PATJ: variants seen among roughly 807,000 people sequenced by gnomAD.
The protein encoded by PATJ is PATJ crumbs cell polarity complex component, also known as inaD-like protein.
PATJ carries 190 observed loss-of-function variants against 224.9 expected under a neutral mutation model. The observed-to-expected ratio is 0.84, with a 90% CI of 0.75 to 0.95. The LOEUF (loss-of-function observed/expected upper bound fraction) is 0.95, where lower values mean the gene tolerates loss of function less well. Among genes scored for constraint, PATJ ranks in the 40% least tolerant of loss-of-function variants. PATJ has a pLI of 0.00. For synonymous variants in PATJ, 769 were observed against 820.3 expected (o/e 0.94, Z 1.07); for missense variants, 2,121 against 2,270.3 (o/e 0.93, Z 1.34).
chr1:62,095,963 A>G (rs573471758), intron 33 of PATJ, among the ~76,000 whole-genome samples: 17 of 152,016 alleles, frequency 1.1e-4, no homozygotes, highest in African/African-American at 4.1e-4. Flanking sequence ...ATGCCTGAAC[A>G]CAGCTTATCT....
At chr1:62,013,324 A>AT (rs958995802) in intron 28 of PATJ, 269 of 882,202 alleles carry the variant, frequency 3.0e-4, no homozygotes, top group Middle Eastern at 2.4e-3. Flanking sequence ...GATCAAAACC[A>AT]TTTTTTTTTT....
Position 62,128,881 on chromosome 1 carries a change from AT to A in PATJ, c.5208del (p.Asp1736GlufsTer12). 6.2e-7 allele frequency: 1 copy of A among 1,613,594 alleles called. No homozygotes were observed. The highest frequency in any genetic ancestry group is 8.5e-7 in the Non-Finnish European group (1 of 1,179,550). On this transcript the variant is annotated frameshift_variant, in exon 41 of 44. Coordinates refer to ENST00000642238, the MANE Select transcript of PATJ (RefSeq NM_001350145.3). LOFTEE classifies it high-confidence loss of function. ...RIVSINGQPL[D>X]GLSHADVVNL... ...GTCAGCATTAACGGGCAACCTTTGG[AT>A]GGGCTGTCTCACGCGGATGTGGTTA...
chr1:61,920,702 C>CA (rs1674170040), intron 26 of PATJ, among the ~76,000 whole-genome samples: 1 of 89,508 alleles, frequency 1.1e-5, no homozygotes, highest in Non-Finnish European at 2.1e-5. Flanking sequence ...GTATGGAATT[C>CA]TTTTTTTTTT....
intron 17 of PATJ, among the ~76,000 whole-genome samples, chr1:61,836,614 A>T (rs1660219922): frequency 6.6e-6 from 1 of 152,230 alleles, no homozygotes; most frequent in Non-Finnish European, 1.5e-5. Flanking sequence ...TAGAACTGTT[A>T]TCTACCATGA....
intron 31 of PATJ, among the ~76,000 whole-genome samples, chr1:62,059,915 G>A (rs1486669756): frequency 6.6e-6 from 1 of 152,130 alleles, no homozygotes; most frequent in Non-Finnish European, 1.5e-5. Flanking sequence ...ATTCTCAGAT[G>A]CATCATGGGC....
At chr1:61,775,139 G>A (rs1439756387) in intron 6 of PATJ, 67 bp from the exon 7 acceptor site, 6 of 1,460,612 alleles carry the variant, frequency 4.1e-6, no homozygotes, top group Non-Finnish European at 3.7e-6. Flanking sequence ...GGTAATGATT[G>A]TATTGGAAAG....
chr1:61,915,960 G>A (rs1024250472), intron 26 of PATJ, among the ~76,000 whole-genome samples: 2 of 152,114 alleles, frequency 1.3e-5, no homozygotes, highest in African/African-American at 2.4e-5. Context: ...CTCCCAAAGT[G>A]CTTGGATTAC....
At chr1:61,876,108 G>C (rs1038221339) in intron 21 of PATJ, among the ~76,000 whole-genome samples, 1 of 152,140 alleles carries the variant, frequency 6.6e-6, no homozygotes, top group Non-Finnish European at 1.5e-5. Context: ...TGTAAGGGGA[G>C]AGAGGGCTGT....
chr1:61,841,412 A>G (rs1557739901), intron 17 of PATJ, among the ~76,000 whole-genome samples: 1 of 152,204 alleles, frequency 6.6e-6, no homozygotes, highest in Non-Finnish European at 1.5e-5. Flanking sequence ...ATAGGTATTG[A>G]TATAATTTTA....
At chr1:61,859,631 T>C (rs1664243001) in intron 18 of PATJ, among the ~76,000 whole-genome samples, 1 of 152,094 alleles carries the variant, frequency 6.6e-6, no homozygotes, top group South Asian at 2.1e-4. Flanking sequence ...TTGTTGTTGT[T>C]TTTTGAGATG....
intron 28 of PATJ, among the ~76,000 whole-genome samples, chr1:62,007,084 A>C (rs1346926713): frequency 6.6e-6 from 1 of 152,228 alleles, no homozygotes; most frequent in African/African-American, 2.4e-5. Context: ...TATGTGGTCC[A>C]TCCTTGACTG....
intron 42 of PATJ, 32 bp from the exon 43 acceptor site, chr1:62,153,326 C>T: frequency 9.0e-6 from 11 of 1,224,470 alleles, no homozygotes; most frequent in Non-Finnish European, 1.1e-5. Flanking sequence ...AATATCTATT[C>T]TCGAATTAAA....
intron 27 of PATJ, among the ~76,000 whole-genome samples, chr1:61,974,375 A>G (rs549277349): frequency 6.7e-6 from 1 of 148,274 alleles, no homozygotes; most frequent in South Asian, 2.1e-4. Flanking sequence ...TAATTGCCTC[A>G]GAGATACCCC....
chr1:61,795,961 A>T (rs1160889126), intron 10 of PATJ, among the ~76,000 whole-genome samples: 1 of 152,216 alleles, frequency 6.6e-6, no homozygotes, highest in African/African-American at 2.4e-5. Flanking sequence ...AATTATAAGT[A>T]CAACTAAAAT....
At chr1:61,769,074 G>C (rs910047708) in intron 4 of PATJ, among the ~76,000 whole-genome samples, 4 of 152,176 alleles carry the variant, frequency 2.6e-5, no homozygotes, top group Non-Finnish European at 5.9e-5. Context: ...CTGATTCCCT[G>C]AGGTTGCAGA....
intron 27 of PATJ, among the ~76,000 whole-genome samples, chr1:61,955,114 A>G (rs1379831815): frequency 6.6e-6 from 1 of 152,218 alleles, no homozygotes; most frequent in Non-Finnish European, 1.5e-5. Context: ...CATTTTGAAT[A>G]CATCTATTCC....
chr1:61,980,668 C>T (rs1644404224), intron 27 of PATJ, among the ~76,000 whole-genome samples: 1 of 152,028 alleles, frequency 6.6e-6, no homozygotes, highest in East Asian at 1.9e-4. Flanking sequence ...TTTCTTTCCA[C>T]TTATCCTTTT....
chr1:62,116,473 G>A (rs982644410), intron 35 of PATJ, 59 bp from the exon 36 acceptor site: 31 of 1,579,150 alleles, frequency 2.0e-5, no homozygotes, highest in Middle Eastern at 1.8e-4. Context: ...ACACACACAC[G>A]TATTATGCAT....
chr1:62,039,728 A>G (rs1328228263), intron 30 of PATJ, among the ~76,000 whole-genome samples: 1 of 152,142 alleles, frequency 6.6e-6, no homozygotes, highest in Non-Finnish European at 1.5e-5. Flanking sequence ...TTCCTGCTTT[A>G]AGGGTAACTG....
Sources: gnomAD v4.1 joint callset for allele counts (sites outside exome capture counted in the v4.1 genomes callset) on GRCh38, gnomAD v4.1.1 for gene constraint, MANE v1.5 for transcripts, NCBI Gene and HGNC (gene_info 2026-07-23, HGNC 2026-07-21) for gene names.